Variants in CCDC171 observed in about 807,000 individuals in gnomAD.
The protein encoded by CCDC171 is coiled-coil domain-containing protein 171.
CCDC171 carries 177 observed loss-of-function variants against 168.2 expected under a neutral mutation model. The ratio of observed to expected loss-of-function variants is 1.05; its 90% CI spans 0.93 to 1.19. The LOEUF is 1.19. Ranked by LOEUF, CCDC171 falls within the 50% of genes most tolerant of loss-of-function variation. The pLI, the probability that CCDC171 is intolerant of heterozygous loss-of-function variation, is 0.00. For synonymous variants in CCDC171, 687 were observed against 540.8 expected, an observed-to-expected ratio of 1.27 and a Z score of -3.75; for missense variants, 1,991 against 1,539.0, an observed-to-expected ratio of 1.29 and a Z score of -4.91.
chr9:15,691,541 G>GTT (rs374022139), intron 10 of CCDC171, among the ~76,000 whole-genome samples: 4 of 114,836 alleles, frequency 3.5e-5, no homozygotes, highest in Non-Finnish European at 6.9e-5. Flanking sequence ...GTAAATATAT[G>GTT]TTTTTTATAT....
chr9:15,874,638 G>A lies in CCDC171; in HGVS notation c.3575G>A (p.Gly1192Asp), dbSNP rs773641196. Residue 1192 changes from glycine to aspartate, a missense_variant, in exon 24 of 26, where the codon GGC becomes GAC. Coordinates refer to ENST00000380701, the MANE Select transcript of CCDC171 (RefSeq NM_173550.4). ...ACCTTTGCAATGGAGGGGCTCAAGG[G>A]CGGGCCAGAGGTGGTAGCATGCCAG... The part of the protein sequence containing the change: ...LETFAMEGLK[G>D]GPEVVACQAM... 9.4e-6 allele frequency: 15 copies of A among 1,599,324 alleles called. No homozygotes were observed. The highest frequency in any genetic ancestry group is 1.3e-5 in the Non-Finnish European group (15 of 1,172,746).
At chr9:15,958,377 TATTAA>T (rs941274137) in intron 25 of CCDC171, among the ~76,000 whole-genome samples, 4 of 152,054 alleles carry the variant, frequency 2.6e-5, no homozygotes, top group African/African-American at 7.2e-5. Context: ...TTTAATTTTA[TATTAA>T]ATTTTAACTA....
intron 7 of CCDC171, among the ~76,000 whole-genome samples, chr9:15,652,132 C>T (rs2047574255): frequency 6.6e-6 from 1 of 152,094 alleles, no homozygotes; most frequent in Non-Finnish European, 1.5e-5. Flanking sequence ...TAAAGATTTA[C>T]CCCTATGTTT....
intron 25 of CCDC171, among the ~76,000 whole-genome samples, chr9:15,936,743 A>G (rs1450832711): frequency 6.6e-6 from 1 of 152,066 alleles, no homozygotes; most frequent in Non-Finnish European, 1.5e-5. Context: ...TCCCGTCAAA[A>G]TGTGCTTCTG....
At chr9:15,826,808 G>A (rs1218673186) in intron 21 of CCDC171, among the ~76,000 whole-genome samples, 3 of 152,162 alleles carry the variant, frequency 2.0e-5, no homozygotes, top group African/African-American at 7.2e-5. Context: ...TCTATTTCCT[G>A]ATCCATGGAA....
In CCDC171 at chr9:15,779,155, G is replaced by C; in HGVS notation, c.3081+5G>C. The C allele has an allele frequency of 6.7e-7, 1 of 1,484,234 alleles. No homozygotes were observed. The allele number at this position is 1,484,234 out of a possible 1,614,324, so 91.9% of individuals were successfully genotyped here. ...TTAAATGAATTTAAGCAGTCTGTAA[G>C]TATATATCATTTAGGAAACTGTTGC... On this transcript the variant is annotated splice_donor_5th_base_variant and intron_variant, in intron 20 of 25. Transcript: ENST00000380701.
chr9:15,611,795 C>G (rs1169717017), intron 6 of CCDC171, among the ~76,000 whole-genome samples: 2 of 152,070 alleles, frequency 1.3e-5, no homozygotes, highest in African/African-American at 4.8e-5. Context: ...CAACAATGCT[C>G]CTGTATTCAT....
chr9:15,831,136 A>AT (rs928736429), intron 21 of CCDC171, among the ~76,000 whole-genome samples: 21 of 150,456 alleles, frequency 1.4e-4, no homozygotes, highest in South Asian at 2.1e-4. Context: ...TGCCCGGCTA[A>AT]TTTTTTTTTG....
intron 3 of CCDC171, among the ~76,000 whole-genome samples, chr9:16,009,229 C>A (rs913824187): frequency 2.0e-5 from 3 of 152,078 alleles, no homozygotes; most frequent in African/African-American, 7.2e-5. Context: ...CTAGAGTGGT[C>A]TGACCTTAGG....
At chr9:15,611,180 T>C (rs1444963130) in intron 6 of CCDC171, among the ~76,000 whole-genome samples, 1 of 152,174 alleles carries the variant, frequency 6.6e-6, no homozygotes. Context: ...CCTTCTACCA[T>C]GATTGTAAAT....
chr9:15,874,857 C>A, intron 24 of CCDC171, 194 bp downstream of exon 24: 3 of 448,816 alleles, frequency 6.7e-6, no homozygotes, highest in Non-Finnish European at 7.1e-6. Flanking sequence ...CTAGAACTAG[C>A]CTATTAAAAT....
intron 6 of CCDC171, among the ~76,000 whole-genome samples, chr9:15,619,078 A>G (rs990039849): frequency 6.6e-6 from 1 of 151,846 alleles, no homozygotes; most frequent in African/African-American, 2.4e-5. Flanking sequence ...ATGTGTTCTC[A>G]CTACTCCTCT....
chr9:15,852,417 A>G (rs1158828582), intron 23 of CCDC171, among the ~76,000 whole-genome samples: 1 of 151,612 alleles, frequency 6.6e-6, no homozygotes, highest in East Asian at 1.9e-4. Flanking sequence ...GCCCGTTTTT[A>G]AATTGGGTTG....
chr9:15,757,916 T>C (rs957663240), intron 18 of CCDC171, among the ~76,000 whole-genome samples: 1 of 152,204 alleles, frequency 6.6e-6, no homozygotes, highest in Admixed American at 6.5e-5. Flanking sequence ...TTTGGGAACC[T>C]CTGCCTAGAT....
intron 18 of CCDC171, among the ~76,000 whole-genome samples, chr9:15,774,107 G>A (rs530520875): frequency 2.6e-5 from 4 of 151,962 alleles, no homozygotes; most frequent in African/African-American, 7.2e-5. Flanking sequence ...TTAGCTGGGT[G>A]TGGTGGTGGG....
At chr9:16,077,117 G>A in the CCDC171 span, among the ~76,000 whole-genome samples, 1 of 152,150 alleles carries the variant, frequency 6.6e-6, no homozygotes, top group African/African-American at 2.4e-5. Flanking sequence ...AGATGCAGGT[G>A]GGATTCCTTG....
chr9:15,859,120 A>T (rs1029224587), intron 23 of CCDC171, among the ~76,000 whole-genome samples: 1 of 152,048 alleles, frequency 6.6e-6, no homozygotes, highest in East Asian at 1.9e-4. Flanking sequence ...TATCAATTTT[A>T]TCAAATGCTT....
intron 6 of CCDC171, among the ~76,000 whole-genome samples, chr9:15,610,330 G>T (rs375000527): frequency 6.6e-6 from 1 of 150,382 alleles, no homozygotes; most frequent in Non-Finnish European, 1.5e-5. Context: ...GGCTCGGCTG[G>T]GCGCGATGGC....
In CCDC171 at chr9:15,719,550, A is replaced by G. The variant is rs534415852; in HGVS notation, c.1319-2219A>G. Among the ~76,000 whole-genome samples the G allele has an allele frequency of 4.3e-4, 65 of 152,284 alleles. 2 individuals carry two copies. The East Asian group carries it at 0.012, about 29-fold the overall frequency. On this transcript the variant is annotated intron_variant, in intron 11 of 25. Coordinates refer to ENST00000380701, the MANE Select transcript of CCDC171 (RefSeq NM_173550.4). ...ATAGAACACCAAGCAGATTTAACCC[A>G]AAGAAGACTCCCTCAAGGCATTTAA...
Sources: allele counts gnomAD v4.1 joint callset (sites outside exome capture counted in the v4.1 genomes callset), GRCh38; gene constraint gnomAD v4.1.1; transcripts MANE v1.5; gene names NCBI Gene and HGNC (gene_info 2026-07-23, HGNC 2026-07-21).